Variants in GNL3L observed in about 807,000 individuals in gnomAD.
GNL3L encodes guanine nucleotide-binding protein-like 3-like protein.
In GNL3L, 4 loss-of-function variants were observed where a neutral mutation model predicts 42.9. The ratio of observed to expected loss-of-function variants is 0.09; its 90% CI spans 0.05 to 0.21. GNL3L has a LOEUF of 0.21. Ranked by LOEUF, GNL3L falls within the 10% of genes least tolerant of loss-of-function variation. GNL3L has a pLI of 1.00. For missense variants in GNL3L, 412 were observed against 481.7 expected (o/e 0.86, Z 1.36); for synonymous variants, 159 against 176.3 (o/e 0.90, Z 0.78).
At chrX:54,607,945 T>C (rs1428514860) in intron 16 of GNL3L, among the ~76,000 whole-genome samples, 1 of 112,387 alleles carries the variant, frequency 8.9e-6, no homozygotes, top group Non-Finnish European at 1.9e-5. Context: ...AATTTACTGT[T>C]ACATGGGCCA....
At chrX:54,630,774 C>CTCTTTCTTTCTT in the GNL3L span, among the ~76,000 whole-genome samples, 10 of 89,719 alleles carry the variant, frequency 1.1e-4, no homozygotes, top group African/African-American at 4.3e-4. Flanking sequence ...TTCTTTCTTT[C>CTCTTTCTTTCTT]TCTTTCTTTC....
At chrX:54,627,971 C>G in the GNL3L span, among the ~76,000 whole-genome samples, 1 of 110,390 alleles carries the variant, frequency 9.1e-6, no homozygotes, top group South Asian at 3.8e-4. Context: ...TACACTGTAC[C>G]CAATGTGTAG....
intron 2 of GNL3L, among the ~76,000 whole-genome samples, chrX:54,533,652 G>A (rs1248599915): frequency 9.1e-6 from 1 of 110,389 alleles, no homozygotes; most frequent in Non-Finnish European, 1.9e-5. Flanking sequence ...CAGTAGAGAC[G>A]GGGTTTTGCC....
intron 2 of GNL3L, among the ~76,000 whole-genome samples, chrX:54,534,877 C>A (rs753700501): frequency 6.1e-4 from 67 of 110,403 alleles, no homozygotes; most frequent in Non-Finnish European, 1.1e-3. Flanking sequence ...GTGCTTGTAT[C>A]CATTGCAGGC....
At chrX:54,548,799 G>A (rs1924846974) in intron 9 of GNL3L, among the ~76,000 whole-genome samples, 3 of 111,386 alleles carry the variant, frequency 2.7e-5, no homozygotes, top group African/African-American at 9.8e-5. Flanking sequence ...GAAATTGAGA[G>A]AGGCAGAGAT....
At chrX:54,586,696 G>A (rs1193483530) in intron 16 of GNL3L, among the ~76,000 whole-genome samples, 1 of 112,114 alleles carries the variant, frequency 8.9e-6, no homozygotes, top group African/African-American at 3.2e-5. Context: ...TTCTGCCAAC[G>A]GCCTGGGCCT....
At chrX:54,542,300 A>G (rs376381044) in intron 5 of GNL3L, among the ~76,000 whole-genome samples, 2 of 94,026 alleles carry the variant, frequency 2.1e-5, no homozygotes, top group African/African-American at 8.2e-5. Flanking sequence ...CCTGTGTCCA[A>G]GTGTTCTCAT....
chrX:54,542,733 A>G (rs1243544386), intron 5 of GNL3L, among the ~76,000 whole-genome samples: 1 of 111,534 alleles, frequency 9.0e-6, no homozygotes, highest in Non-Finnish European at 1.9e-5. Context: ...AAGTGTTCCT[A>G]TTTCTTCACA....
At chrX:54,539,800 A>G (rs1924553951) in intron 3 of GNL3L, among the ~76,000 whole-genome samples, 1 of 110,803 alleles carries the variant, frequency 9.0e-6, no homozygotes, top group Non-Finnish European at 1.9e-5. Flanking sequence ...GCCTTGGGAA[A>G]CCTTCCCAGC....
intron 16 of GNL3L, among the ~76,000 whole-genome samples, chrX:54,601,196 T>A (rs1451932947): frequency 9.3e-6 from 1 of 107,842 alleles, no homozygotes; most frequent in Non-Finnish European, 1.9e-5. Flanking sequence ...AACTGGGGGG[T>A]GAGTTGGGGG....
Position 54,551,718 on chromosome X carries a change from C to T in GNL3L, c.1014C>T (p.Ile338=). 2 of 1,211,495 alleles carry T rather than the reference C, an allele frequency of 1.7e-6. No homozygotes were observed. The highest frequency in any genetic ancestry group is 3.5e-5 in the South Asian group (2 of 57,010). ...LADPVTPVET[I]LQRCNLEEIS... Reference sequence around the variant, plus strand: ...ACCCTGTGACCCCAGTGGAGACCATCCTGCAGCGCTGCAACCTGGAGGAGG... The same window carrying T: ...ACCCTGTGACCCCAGTGGAGACCATTCTGCAGCGCTGCAACCTGGAGGAGG... The change falls in exon 11 of 16, where the codon ATC becomes ATT. Residue 338 remains isoleucine, a synonymous_variant. Coordinates refer to ENST00000360845, the MANE Select transcript of GNL3L (RefSeq NM_001184819.2).
At chrX:54,600,614 A>T (rs1177365926) in intron 16 of GNL3L, among the ~76,000 whole-genome samples, 1 of 110,290 alleles carries the variant, frequency 9.1e-6, no homozygotes, top group Non-Finnish European at 1.9e-5. Flanking sequence ...ATGTAAGAAG[A>T]AGTCTAGGTT....
intron 2 of GNL3L, among the ~76,000 whole-genome samples, chrX:54,532,890 C>T (rs770214407): frequency 1.4e-3 from 151 of 111,598 alleles, no homozygotes; most frequent in Non-Finnish European, 2.3e-3. Flanking sequence ...AACTCCTGAC[C>T]GCAAGTCATC....
At chrX:54,576,266 A>C (rs1310681132) in intron 16 of GNL3L, among the ~76,000 whole-genome samples, 1 of 111,411 alleles carries the variant, frequency 9.0e-6, no homozygotes. Context: ...TTATAAAATC[A>C]TTGTCTTAGT....
At chrX:54,544,470 C>CTT (rs869256708) in intron 8 of GNL3L, 144 bp downstream of exon 8, 412 of 338,612 alleles carry the variant, frequency 1.2e-3, no homozygotes, top group Middle Eastern at 2.4e-3. Flanking sequence ...CACCGAGTGA[C>CTT]TTTTTTTTTT....
In GNL3L at chrX:54,554,455, C is replaced by T. The variant is rs1925025560; in HGVS notation, c.1319-110C>T. On this transcript the variant is annotated intron_variant, in intron 13 of 15. Transcript: ENST00000360845. The stretch of plus-strand genomic sequence containing the variant: ...CTCAGCAGGAGTGAAAAAGTTCCTG[C>T]ACCTGACTCCCCTGGGAAGCATCCA... 3 of 746,766 alleles carry T rather than the reference C, an allele frequency of 4.0e-6. No individual in the cohort carries two copies. In the South Asian group the frequency reaches 8.8e-5, roughly 22 times the overall value. 61.5% of individuals were successfully genotyped at this position (746,766 alleles called of 1,213,427 possible).
intron 16 of GNL3L, among the ~76,000 whole-genome samples, chrX:54,619,508 C>G (rs1157476972): frequency 1.1e-5 from 1 of 90,635 alleles, no homozygotes; most frequent in African/African-American, 5.7e-5. Context: ...CTTATACATT[C>G]TGTTTTGCGC....
intron 16 of GNL3L, among the ~76,000 whole-genome samples, chrX:54,587,192 A>G (rs1010990420): frequency 2.7e-5 from 3 of 112,164 alleles, no homozygotes; most frequent in Non-Finnish European, 5.6e-5. Context: ...ATATGCTCCC[A>G]TGGAGCCCAA....
At chrX:54,615,288 G>A (rs1486516616) in intron 16 of GNL3L, among the ~76,000 whole-genome samples, 2 of 111,979 alleles carry the variant, frequency 1.8e-5, no homozygotes, top group Non-Finnish European at 3.8e-5. Flanking sequence ...TTCATTGTAA[G>A]TAAATACCAC....
Sources: allele counts gnomAD v4.1 joint callset (sites outside exome capture counted in the v4.1 genomes callset), GRCh38; gene constraint gnomAD v4.1.1; transcripts MANE v1.5; gene names NCBI Gene and HGNC (gene_info 2026-07-23, HGNC 2026-07-21).